Variants in C2orf92 observed in about 807,000 individuals in gnomAD.
The protein encoded by C2orf92 is chromosome 2 open reading frame 92, also known as uncharacterized protein C2orf92.
chr2:97,702,865 G>T lies in C2orf92; in HGVS notation c.*64G>T. 2.5e-6 allele frequency: 1 copy of T among 398,460 alleles called. No homozygotes were observed. The highest frequency in any genetic ancestry group is 4.4e-5 in the Admixed American group (1 of 22,728). 24.7% of individuals were successfully genotyped at this position (398,460 alleles called of 1,614,324 possible). Reference sequence around the variant, plus strand: ...CAATGCGAGGACATTCTCCATCTGCGCACCACAGGGAGGCAATTCCATTTC... The same window carrying T: ...CAATGCGAGGACATTCTCCATCTGCTCACCACAGGGAGGCAATTCCATTTC... On this transcript the variant is annotated 3_prime_UTR_variant, in exon 8 of 8. Transcript: ENST00000627399.
At chr2:97,685,370 A>G (rs1205463898) in intron 3 of C2orf92, among the ~76,000 whole-genome samples, 2 of 146,514 alleles carry the variant, frequency 1.4e-5, no homozygotes, top group African/African-American at 2.6e-5. Flanking sequence ...GGTTCACGCC[A>G]TTCTCCTGCC....
At chr2:97,697,202 G>A (rs906836326) in intron 5 of C2orf92, 2 of 152,134 alleles carry the variant, frequency 1.3e-5, no homozygotes, top group Non-Finnish European at 2.9e-5. Context: ...AAATGAAACT[G>A]TGTTGGTCAA....
upstream of C2orf92, among the ~76,000 whole-genome samples, chr2:97,667,242 A>G (rs1469735715): frequency 6.6e-6 from 1 of 150,394 alleles, no homozygotes; most frequent in African/African-American, 2.4e-5. Flanking sequence ...TGAACAGTAT[A>G]TGAGGCACCT....
At chr2:97,672,627 A>T (rs996753077) in intron 1 of C2orf92, among the ~76,000 whole-genome samples, 5 of 151,466 alleles carry the variant, frequency 3.3e-5, no homozygotes, top group Non-Finnish European at 7.4e-5. Context: ...AGCTCCCATC[A>T]CCCCTCAAGA....
chr2:97,674,484 G>A lies in C2orf92; in HGVS notation c.75G>A (p.Lys25=). 1 of 398,578 alleles carries A rather than the reference G, an allele frequency of 2.5e-6. No homozygotes were observed. The highest frequency in any genetic ancestry group is 3.6e-5 in the East Asian group (1 of 28,086). 24.7% of individuals were successfully genotyped at this position (398,578 alleles called of 1,614,324 possible). The change falls in exon 2 of 8, where the codon AAG becomes AAA. Residue 25 remains lysine (K), a synonymous_variant. Coordinates refer to ENST00000627399, the MANE Select transcript of C2orf92 (RefSeq NM_001351368.2). ...AAATTGTGCTCCAAGTGTTTTCCAA[G>A]GTTCCGTATGACCCATCATTTGATG... is the stretch of plus-strand genomic sequence containing the variant. The part of the protein sequence containing the change: ...QDEIVLQVFS[K]VPYDPSFDET...
At chr2:97,677,002 T>G (rs1005172272) in intron 3 of C2orf92, among the ~76,000 whole-genome samples, 13 of 152,196 alleles carry the variant, frequency 8.5e-5, no homozygotes, top group Admixed American at 4.6e-4. Context: ...ACAACTGAGC[T>G]GGCAAGAACT....
upstream of C2orf92, chr2:97,665,725 CTCTCTCTCTCTCTATATATATATA>C (rs758824693): frequency 2.5e-3 from 111 of 45,150 alleles, no homozygotes; most frequent in African/African-American, 5.5e-3. Flanking sequence ...CTCTCTCTCT[CTCTCTCTCTCTCTATATATATATA>C]TATATATATA....
At chr2:97,689,600 C>T (rs932614008) in intron 4 of C2orf92, among the ~76,000 whole-genome samples, 4 of 152,204 alleles carry the variant, frequency 2.6e-5, no homozygotes, top group South Asian at 2.1e-4. Flanking sequence ...ATCTGCCAGC[C>T]GTGGGTACAA....
chr2:97,679,399 ACTATT>A (rs1189122541), intron 3 of C2orf92, among the ~76,000 whole-genome samples: 1 of 152,256 alleles, frequency 6.6e-6, no homozygotes, highest in East Asian at 1.9e-4. Context: ...GTGTTTGTAT[ACTATT>A]GAAACTAAGT....
At chr2:97,675,561 G>A (rs1018863181) in intron 2 of C2orf92, 8 of 320,414 alleles carry the variant, frequency 2.5e-5, no homozygotes, top group Middle Eastern at 1.7e-3. Context: ...CTTTCTACCC[G>A]TTTTCCTGTA....
At chr2:97,697,135 GT>G (rs1281997910) in intron 5 of C2orf92, 1 of 152,172 alleles carries the variant, frequency 6.6e-6, no homozygotes, top group Admixed American at 6.5e-5. Context: ...AATTGCTCTT[GT>G]AATGGGTGGC....
chr2:97,699,611 A>C lies in C2orf92; in HGVS notation c.514+475A>C, dbSNP rs1370638860. Among the ~76,000 whole-genome samples the C allele has an allele frequency of 2.6e-5, 4 of 152,306 alleles. No individual in the cohort carries two copies. The East Asian group carries it at 7.7e-4, about 29-fold the overall frequency. ...CAAGAGCGAGACTCAATCTAAAAAAATAAATAAATAAATAAAAACCCAACT... is the reference window on the plus strand; with the variant it reads ...CAAGAGCGAGACTCAATCTAAAAAACTAAATAAATAAATAAAAACCCAACT... On this transcript the variant is annotated intron_variant, in intron 6 of 7. Coordinates refer to ENST00000627399, the MANE Select transcript of C2orf92 (RefSeq NM_001351368.2).
At chr2:97,689,305 C>T (rs1387138994) in intron 4 of C2orf92, among the ~76,000 whole-genome samples, 5 of 152,174 alleles carry the variant, frequency 3.3e-5, no homozygotes, top group Admixed American at 6.5e-5. Context: ...TCCCCACTCC[C>T]GACAACAGGA....
At chr2:97,686,638 C>A (rs1467660689) in intron 3 of C2orf92, among the ~76,000 whole-genome samples, 1 of 150,682 alleles carries the variant, frequency 6.6e-6, no homozygotes, top group Non-Finnish European at 1.5e-5. Context: ...CCAGGCTGGT[C>A]TCGAACTCCT....
At chr2:97,701,118 ATC>A in intron 6 of C2orf92, 34 bp from the exon 7 acceptor site, 1 of 398,316 alleles carries the variant, frequency 2.5e-6, no homozygotes, top group Non-Finnish European at 4.4e-6. Flanking sequence ...CCCGGTGGGT[ATC>A]TCTGTTCACT....
chr2:97,664,932 A>T (rs1427550451), upstream of C2orf92, among the ~76,000 whole-genome samples: 1 of 152,208 alleles, frequency 6.6e-6, no homozygotes, highest in Non-Finnish European at 1.5e-5. Flanking sequence ...TAAAAATTAC[A>T]GTTTCGTGGT....
chr2:97,678,160 A>G (rs923367908), intron 3 of C2orf92, among the ~76,000 whole-genome samples: 1 of 151,906 alleles, frequency 6.6e-6, no homozygotes, highest in African/African-American at 2.4e-5. Flanking sequence ...AGATCGCGCC[A>G]TTGCACTCCA....
chr2:97,685,076 C>T (rs1185565732), intron 3 of C2orf92, among the ~76,000 whole-genome samples: 1 of 151,480 alleles, frequency 6.6e-6, no homozygotes, highest in South Asian at 2.1e-4. Flanking sequence ...ACTACAGGCG[C>T]CCGCCACCAC....
At chr2:97,678,768 G>A (rs55981050) in intron 3 of C2orf92, among the ~76,000 whole-genome samples, 20,009 of 148,246 alleles carry the variant, frequency 0.13, 2,192 homozygotes, top group African/African-American at 0.3. Context: ...CCAGGAATTC[G>A]AGACCAGCCT....
Sources: gnomAD v4.1 joint callset for allele counts (sites outside exome capture counted in the v4.1 genomes callset) on GRCh38, gnomAD v4.1.1 for gene constraint, MANE v1.5 for transcripts, NCBI Gene and HGNC (gene_info 2026-07-23, HGNC 2026-07-21) for gene names.